The following SYNPO2 variants were observed in gnomAD, a reference collection of about 807,000 sequenced individuals.
The protein encoded by SYNPO2 is synaptopodin 2.
A neutral mutation model predicts 85.0 loss-of-function variants in SYNPO2; 56 were observed. The ratio of observed to expected loss-of-function variants is 0.66; its 90% CI spans 0.53 to 0.82. SYNPO2 has a LOEUF of 0.82. Ranked by LOEUF, SYNPO2 falls within the 40% of genes least tolerant of loss-of-function variation. The pLI, the probability that SYNPO2 is intolerant of heterozygous loss-of-function variation, is 0.00. For missense variants in SYNPO2, 1,575 were observed against 1,534.2 expected (o/e 1.03, Z -0.44); for synonymous variants, 602 against 591.1 (o/e 1.02, Z -0.27).
intron 1 of SYNPO2, among the ~76,000 whole-genome samples, chr4:118,957,074 A>T (rs1194495337): frequency 6.6e-6 from 1 of 151,982 alleles, no homozygotes; most frequent in Non-Finnish European, 1.5e-5. Context: ...AAAAAAATAA[A>T]AAAAAGTGAC....
At chr4:118,960,788 G>T (rs184937853) in intron 1 of SYNPO2, among the ~76,000 whole-genome samples, 19 of 152,128 alleles carry the variant, frequency 1.2e-4, no homozygotes, top group East Asian at 3.9e-4. Flanking sequence ...GTACTCCATG[G>T]CTCCAGGAGA....
chr4:118,900,693 CTCTCTCTCTCTATATATATATATATA>C (rs1263058044), intron 1 of SYNPO2, among the ~76,000 whole-genome samples: 2 of 49,954 alleles, frequency 4.0e-5, no homozygotes, highest in Non-Finnish European at 8.9e-5. Context: ...CTCTCTCTCT[CTCTCTCTCTCTATATATATATATATA>C]TATATATATA....
At chr4:118,983,814 T>G (rs1243718252) in intron 1 of SYNPO2, among the ~76,000 whole-genome samples, 1 of 152,084 alleles carries the variant, frequency 6.6e-6, no homozygotes, top group Non-Finnish European at 1.5e-5. Context: ...TATTTGTCAT[T>G]TCCACATCTA....
Position 119,057,623 on chromosome 4 carries a change from A to C in SYNPO2, c.3475A>C (p.Asn1159His). 6.2e-7 allele frequency: 1 copy of C among 1,614,110 alleles called. No homozygotes were observed. Among genetic ancestry groups the C allele is most frequent in the East Asian group, 2.2e-5 (1 of 44,868 alleles). Reference sequence around the variant, plus strand: ...AAACATCCAGGAATCCATTGTGGCAAATGTGGTTTCAGCAGCTCGGAGGAA... The same window carrying C: ...AAACATCCAGGAATCCATTGTGGCACATGTGGTTTCAGCAGCTCGGAGGAA... ...PRNIQESIVA[N>H]VVSAARRKVL... The change falls in exon 5 of 5, where the codon AAT (asparagine) becomes CAT (histidine). Residue 1159 changes from asparagine (N) to histidine (H), a missense_variant. By Grantham distance (68) the Asn-to-His change is moderately conservative. Transcript: ENST00000307142.
At chr4:118,978,392 T>G (rs765754744) in intron 1 of SYNPO2, among the ~76,000 whole-genome samples, 1 of 152,240 alleles carries the variant, frequency 6.6e-6, no homozygotes, top group African/African-American at 2.4e-5. Context: ...TATGACCGTT[T>G]CCCTAGCATA....
At position 119,059,129 on chromosome 4, in the gene SYNPO2, T is replaced by G. The variant is rs1383847479; in HGVS notation, c.*1195T>G. On this transcript the variant is annotated 3_prime_UTR_variant, in exon 5 of 5. Coordinates refer to ENST00000307142, the MANE Select transcript of SYNPO2 (RefSeq NM_133477.3). Reference sequence around the variant, plus strand: ...ATAAATATCAGATTATGTTTAGGAGTGGATTAGGTAATTAGTGTCACTACA... The same window carrying G: ...ATAAATATCAGATTATGTTTAGGAGGGGATTAGGTAATTAGTGTCACTACA... 1.3e-5 allele frequency: 2 copies of G among 152,030 alleles called. No individual in the cohort carries two copies. The highest frequency in any genetic ancestry group is 4.8e-5 in the African/African-American group (2 of 41,368). The allele number at this position is 152,030 out of a possible 1,614,324, so 9.4% of individuals were successfully genotyped here. A position where few individuals can be genotyped will look rare whatever the true frequency, so the allele number is the denominator to read the frequency against.
In SYNPO2 at chr4:119,060,020, A is replaced by T. The variant is rs1326825223; in HGVS notation, c.*2086A>T. 2.0e-5 allele frequency: 3 copies of T among 152,184 alleles called. No individual in the cohort carries two copies. The highest frequency in any genetic ancestry group is 7.2e-5 in the African/African-American group (3 of 41,470). The allele number at this position is 152,184 out of a possible 1,614,324, so 9.4% of individuals were successfully genotyped here. The stretch of plus-strand genomic sequence containing the variant: ...CAAAATTTATTATAGTGGTTTAATC[A>T]TTTTAGATTTGAATGTTTTAAGATA... On this transcript the variant is annotated 3_prime_UTR_variant, in exon 5 of 5. Transcript: ENST00000307142.
intron 4 of SYNPO2, among the ~76,000 whole-genome samples, chr4:119,045,052 A>G (rs1388092678): frequency 6.6e-6 from 1 of 152,244 alleles, no homozygotes; most frequent in Non-Finnish European, 1.5e-5. Context: ...GTTACATGGT[A>G]TGCACACATT....
chr4:118,995,212 C>G (rs1736542514), intron 1 of SYNPO2, among the ~76,000 whole-genome samples: 1 of 151,986 alleles, frequency 6.6e-6, no homozygotes, highest in Non-Finnish European at 1.5e-5. Flanking sequence ...GTCTCATTTG[C>G]AAAGTTCTTT....
chr4:118,877,761 T>C (rs1731955623), intron 1 of SYNPO2, among the ~76,000 whole-genome samples: 1 of 151,966 alleles, frequency 6.6e-6, no homozygotes, highest in South Asian at 2.1e-4. Context: ...CTGGTGGGAG[T>C]GTAAATTAGT....
At chr4:118,978,962 A>G (rs1735899804) in intron 1 of SYNPO2, among the ~76,000 whole-genome samples, 1 of 152,214 alleles carries the variant, frequency 6.6e-6, no homozygotes, top group Non-Finnish European at 1.5e-5. Context: ...CCGCACACAT[A>G]GCGCATTCTT....
chr4:119,002,017 C>G (rs997847824), intron 1 of SYNPO2, among the ~76,000 whole-genome samples: 3 of 152,172 alleles, frequency 2.0e-5, no homozygotes, highest in Non-Finnish European at 4.4e-5. Context: ...TAGTGCCCCC[C>G]ATCCTCCCAA....
At chr4:118,978,791 TGACACA>T (rs1288355389) in intron 1 of SYNPO2, among the ~76,000 whole-genome samples, 1 of 69,684 alleles carries the variant, frequency 1.4e-5, no homozygotes, top group Admixed American at 1.7e-4. Context: ...ACTCCTGCCA[TGACACA>T]CACACACACA....
intron 1 of SYNPO2, among the ~76,000 whole-genome samples, chr4:119,012,184 A>G (rs183165423): frequency 3.3e-5 from 5 of 151,890 alleles, no homozygotes; most frequent in African/African-American, 4.8e-5. Context: ...CAGCCTCCCA[A>G]AGTTCTGGGA....
At chr4:118,940,079 G>A (rs1445874552) in intron 1 of SYNPO2, among the ~76,000 whole-genome samples, 1 of 150,616 alleles carries the variant, frequency 6.6e-6, no homozygotes, top group Non-Finnish European at 1.5e-5. Context: ...TCCGCCTCCC[G>A]GGTTCAAGCG....
chr4:118,978,551 C>T (rs1434338062), intron 1 of SYNPO2, among the ~76,000 whole-genome samples: 2 of 152,188 alleles, frequency 1.3e-5, no homozygotes, highest in Admixed American at 6.5e-5. Flanking sequence ...TTTATATTAC[C>T]TTGTTCTGTT....
chr4:118,898,863 T>C (rs1732632707), intron 1 of SYNPO2, among the ~76,000 whole-genome samples: 1 of 152,198 alleles, frequency 6.6e-6, no homozygotes, highest in Non-Finnish European at 1.5e-5. Context: ...TCAAACACTG[T>C]TCCTCCCTGG....
rs147941965 is a variant in SYNPO2, at chr4:118,920,755, A to G, written c.105+31614A>G. Among the ~76,000 whole-genome samples, 38 of 152,320 alleles carry G rather than the reference A, an allele frequency of 2.5e-4. 1 individual carries two copies. Among genetic ancestry groups the G allele is most frequent in the African/African-American group, 8.9e-4 (37 of 41,576 alleles). ...AATCTTAAAACAAATAAATATTTTC[A>G]CAGTACACATATGAAACCATTTTTT... On this transcript the variant is annotated intron_variant, in intron 1 of 4. Transcript: ENST00000307142.
At chr4:118,982,585 A>T (rs1736071652) in intron 1 of SYNPO2, among the ~76,000 whole-genome samples, 1 of 152,200 alleles carries the variant, frequency 6.6e-6, no homozygotes, top group Non-Finnish European at 1.5e-5. Flanking sequence ...AGGGAGACAG[A>T]CTGGTTCCGC....
Sources: allele counts gnomAD v4.1 joint callset (sites outside exome capture counted in the v4.1 genomes callset), GRCh38; gene constraint gnomAD v4.1.1; transcripts MANE v1.5; gene names NCBI Gene and HGNC (gene_info 2026-07-23, HGNC 2026-07-21).